Variants in GALNT13 observed in about 807,000 individuals in gnomAD.
GALNT13 encodes UDP-GalNAc:polypeptide N-acetylgalactosaminyltransferase 13.
Under a neutral mutation model 64.2 loss-of-function variants are expected in GALNT13, and 28 were observed. The observed-to-expected ratio is 0.44, with a 90% CI of 0.32 to 0.60. The LOEUF (loss-of-function observed/expected upper bound fraction) is 0.60, where lower values mean the gene tolerates loss of function less well. Among genes scored for constraint, GALNT13 ranks in the 20% least tolerant of loss-of-function variants. GALNT13 has a pLI of 0.05. For synonymous variants in GALNT13, 214 were observed against 224.6 expected, an observed-to-expected ratio of 0.95 and a Z score of 0.42; for missense variants, 577 against 669.8, an observed-to-expected ratio of 0.86 and a Z score of 1.53.
intron 4 of GALNT13, among the ~76,000 whole-genome samples, chr2:154,165,039 A>G (rs1469951186): frequency 6.6e-6 from 1 of 152,138 alleles, no homozygotes; most frequent in Non-Finnish European, 1.5e-5. Context: ...TGAAACTCTA[A>G]CACAAAATGA....
the GALNT13 span, among the ~76,000 whole-genome samples, chr2:153,543,712 G>A: frequency 6.6e-6 from 1 of 151,880 alleles, no homozygotes; most frequent in Non-Finnish European, 1.5e-5. Flanking sequence ...TGTCAAAACA[G>A]TACAAGAAAC....
the GALNT13 span, among the ~76,000 whole-genome samples, chr2:153,352,948 C>G: frequency 6.6e-6 from 1 of 152,046 alleles, no homozygotes; most frequent in Non-Finnish European, 1.5e-5. Flanking sequence ...TCTTTTGCCT[C>G]TGTCTATAAA....
chr2:153,329,868 T>C, the GALNT13 span, among the ~76,000 whole-genome samples: 13 of 152,228 alleles, frequency 8.5e-5, no homozygotes, highest in Non-Finnish European at 1.8e-4. Flanking sequence ...ACGTCCAGAA[T>C]GGCGTTTCCT....
chr2:153,405,033 G>A, the GALNT13 span, among the ~76,000 whole-genome samples: 1 of 152,172 alleles, frequency 6.6e-6, no homozygotes, highest in African/African-American at 2.4e-5. Flanking sequence ...CTGCTAGCCA[G>A]AGCTTGTGGT....
the GALNT13 span, among the ~76,000 whole-genome samples, chr2:153,830,587 G>T: frequency 6.6e-6 from 1 of 151,958 alleles, no homozygotes; most frequent in Non-Finnish European, 1.5e-5. Context: ...TGCTAAAGAG[G>T]CTTAATTTTT....
chr2:153,363,706 A>G, the GALNT13 span, among the ~76,000 whole-genome samples: 2 of 152,226 alleles, frequency 1.3e-5, no homozygotes, highest in African/African-American at 2.4e-5. Context: ...ATCCCTGAAT[A>G]GACCAATGAC....
chr2:153,690,316 G>C, the GALNT13 span, among the ~76,000 whole-genome samples: 2 of 152,054 alleles, frequency 1.3e-5, no homozygotes, highest in Admixed American at 6.6e-5. Flanking sequence ...AATTCGTAGA[G>C]GATTTGATGA....
chr2:153,345,635 TTTTC>T, the GALNT13 span, among the ~76,000 whole-genome samples: 8,585 of 68,014 alleles, frequency 0.13, 601 homozygotes, highest in Admixed American at 0.15. Context: ...TTTCCTTTCT[TTTTC>T]TTTCTTTCTT....
At chr2:153,088,927 C>T in the GALNT13 span, among the ~76,000 whole-genome samples, 22 of 152,048 alleles carry the variant, frequency 1.4e-4, no homozygotes, top group South Asian at 6.2e-4. Flanking sequence ...TCCATTCTGC[C>T]GGTGTGTATC....
At chr2:153,533,314 T>G in the GALNT13 span, among the ~76,000 whole-genome samples, 1 of 152,108 alleles carries the variant, frequency 6.6e-6, no homozygotes, top group Non-Finnish European at 1.5e-5. Context: ...TGCAGTGGCT[T>G]GATCTCGGCT....
At chr2:153,988,827 TA>T (rs777044523) in intron 3 of GALNT13, among the ~76,000 whole-genome samples, 46 of 152,068 alleles carry the variant, frequency 3.0e-4, no homozygotes, top group Non-Finnish European at 6.2e-4. Context: ...TTCAGGTGAC[TA>T]AAGTATGATT....
At chr2:153,899,937 T>A (rs930280449) in intron 1 of GALNT13, among the ~76,000 whole-genome samples, 7,078 of 91,606 alleles carry the variant, frequency 0.077, 178 homozygotes, top group Middle Eastern at 0.13. Context: ...ATATATATAT[T>A]TTTTTTTTTT....
chr2:153,263,585 G>A, the GALNT13 span, among the ~76,000 whole-genome samples: 1 of 152,124 alleles, frequency 6.6e-6, no homozygotes, highest in Non-Finnish European at 1.5e-5. Context: ...CATGGTACTG[G>A]TACACATACA....
At chr2:153,359,629 G>GAAAAAAAAAAAAAAAAA in the GALNT13 span, among the ~76,000 whole-genome samples, 4 of 8,926 alleles carry the variant, frequency 4.5e-4, no homozygotes, top group South Asian at 4.3e-3. Context: ...CCAGCTTTCA[G>GAAAAAAAAAAAAAAAAA]CAAAAAAAAA....
chr2:153,949,325 A>G (rs1692000974), intron 3 of GALNT13, among the ~76,000 whole-genome samples: 1 of 152,098 alleles, frequency 6.6e-6, no homozygotes, highest in African/African-American at 2.4e-5. Flanking sequence ...AAATGATTAT[A>G]AAACATAATT....
chr2:153,448,130 T>C, the GALNT13 span, among the ~76,000 whole-genome samples: 1 of 152,208 alleles, frequency 6.6e-6, no homozygotes, highest in Non-Finnish European at 1.5e-5. Context: ...TTGGATTGCA[T>C]ATGATGTCTC....
At chr2:153,105,545 A>G in the GALNT13 span, among the ~76,000 whole-genome samples, 4 of 152,204 alleles carry the variant, frequency 2.6e-5, no homozygotes, top group African/African-American at 9.6e-5. Flanking sequence ...GGAGAAGGAA[A>G]TAAAGGGCGT....
the GALNT13 span, among the ~76,000 whole-genome samples, chr2:153,245,573 A>T: frequency 6.6e-6 from 1 of 152,272 alleles, no homozygotes; most frequent in East Asian, 1.9e-4. Flanking sequence ...AAACTAACAA[A>T]CAGAAAGCAA....
chr2:153,118,759 T>G, the GALNT13 span, among the ~76,000 whole-genome samples: 1 of 152,254 alleles, frequency 6.6e-6, no homozygotes, highest in Non-Finnish European at 1.5e-5. Context: ...TTAACTCATG[T>G]AAATTTTACC....
Sources: allele counts gnomAD v4.1 joint callset (sites outside exome capture counted in the v4.1 genomes callset), GRCh38; gene constraint gnomAD v4.1.1; transcripts MANE v1.5; gene names NCBI Gene and HGNC (gene_info 2026-07-23, HGNC 2026-07-21).